FGA: variants seen among roughly 807,000 people sequenced by gnomAD.
The protein encoded by FGA is fibrinogen alpha chain, also known as fibrinogen, A alpha polypeptide.
FGA carries 20 observed loss-of-function variants against 20.3 expected under a neutral mutation model. The ratio of observed to expected loss-of-function variants is 0.99; its 90% CI spans 0.69 to 1.43. The LOEUF is 1.43. Among genes scored for constraint, FGA ranks in the 40% most tolerant of loss-of-function variants. FGA has a pLI of 0.00. For missense variants in FGA, 777 were observed against 784.7 expected, an observed-to-expected ratio of 0.99 and a Z score of 0.12; for synonymous variants, 306 against 281.6, an observed-to-expected ratio of 1.09 and a Z score of -0.87.
chr4:154,588,781 T>C lies in FGA; in HGVS notation c.364+12A>G, dbSNP rs767570329. ...TGTTATAAAGTCAAAGCAGTAAATA[T>C]GTAATACTTACTATTGGCTGAGGAA... On this transcript the variant is annotated intron_variant, in intron 3 of 4. Transcript: ENST00000403106. 1.9e-6 allele frequency: 3 copies of C among 1,581,422 alleles called. No individual in the cohort carries two copies. The South Asian group carries it at 3.3e-5, about 18-fold the overall frequency.
chr4:154,584,898 G>T (rs1730671202), downstream of FGA: 3 of 1,217,106 alleles, frequency 2.5e-6, no homozygotes, highest in African/African-American at 1.5e-5. Context: ...GATAGGCACG[G>T]CTCAGATTAA....
chr4:154,584,703 C>A, downstream of FGA: 1 of 1,614,066 alleles, frequency 6.2e-7, no homozygotes, highest in Non-Finnish European at 8.5e-7. Context: ...TTTGCTGGAT[C>A]AAAAGCCATC....
chr4:154,584,253 C>T, downstream of FGA: 3 of 1,614,048 alleles, frequency 1.9e-6, no homozygotes, highest in Non-Finnish European at 2.5e-6. Flanking sequence ...CATAGGAGCC[C>T]CCAGGGTAGT....
In FGA at chr4:154,586,750, T is replaced by G; in HGVS notation, c.679A>C (p.Lys227Gln). The G allele has an allele frequency of 6.2e-7, 1 of 1,614,208 alleles. No homozygotes were observed. The highest frequency in any genetic ancestry group is 8.5e-7 in the Non-Finnish European group (1 of 1,180,030). The change falls in exon 5 of 5, where the codon AAA becomes CAA. Residue 227 changes from lysine (K) to glutamine (Q), a missense_variant. Physicochemically the swap from Lys to Gln is moderately conservative, Grantham distance 53 (BLOSUM62 1). Transcript: ENST00000403106. ...CCGGGAACCAAGTCTGGAACTGGTT[T>G]CATTTTTATCAGTGGTAAGTGTTGC... ...DRQHLPLIKM[K>Q]PVPDLVPGNF...
chr4:154,586,574 G>A lies in FGA; in HGVS notation c.855C>T (p.Ser285=). Residue 285 remains serine, a synonymous_variant, in exon 5 of 5, where the codon AGC becomes AGT. Coordinates refer to ENST00000403106, the MANE Select transcript of FGA (RefSeq NM_021871.4). ...TSYGTGSETE[S]PRNPSSAGSW... is the part of the protein sequence containing the mutation. The stretch of plus-strand genomic sequence containing the variant: ...TTCCAGCACTGCTAGGGTTCCTGGG[G>A]CTTTCCGTCTCTGATCCGGTTCCAT... The A allele has an allele frequency of 6.2e-7, 1 of 1,614,056 alleles. No homozygotes were observed. The highest frequency in any genetic ancestry group is 1.1e-5 in the South Asian group (1 of 91,076).
chr4:154,590,258 AAAAC>A (rs1560828318), intron 1 of FGA, among the ~76,000 whole-genome samples: 1 of 152,252 alleles, frequency 6.6e-6, no homozygotes, highest in African/African-American at 2.4e-5. Context: ...ATAACTAAAG[AAAAC>A]AAATCTTACC....
chr4:154,590,416 T>G (rs552630930), intron 1 of FGA, among the ~76,000 whole-genome samples: 1 of 152,328 alleles, frequency 6.6e-6, no homozygotes, highest in East Asian at 1.9e-4. Context: ...GTTTCCCTTG[T>G]GAGTTTGTAC....
chr4:154,589,711 T>G (rs2110820728), intron 1 of FGA, 149 bp from the exon 2 acceptor site: 1 of 848,832 alleles, frequency 1.2e-6, no homozygotes, highest in East Asian at 2.6e-5. Flanking sequence ...AAGCTTCAGG[T>G]TTCTTATCTT....
chr4:154,587,459 C>T (rs1245474643), intron 4 of FGA, 53 bp downstream of exon 4: 14 of 1,545,596 alleles, frequency 9.1e-6, no homozygotes, highest in Non-Finnish European at 1.3e-5. Context: ...TATCGCCTTC[C>T]TTTTCCCTCT....
At chr4:154,584,093 G>GACAGAGTGCTCCCATTCCCACTTCGAAT, downstream of FGA, 2 of 1,543,980 alleles carry the variant, frequency 1.3e-6, no homozygotes, top group Non-Finnish European at 1.8e-6. Context: ...TAGCAAAGAA[G>GACAGAGTGCTCCCATTCCCACTTCGAAT]ACAGAGTGCT....
At chr4:154,590,514 G>T in intron 1 of FGA, 120 bp downstream of exon 1, 1 of 869,062 alleles carries the variant, frequency 1.2e-6, no homozygotes, top group Non-Finnish European at 1.9e-6. Flanking sequence ...TTCCTCCCAG[G>T]CCTGGGGTCA....
At chr4:154,585,245 T>G, downstream of FGA, 1 of 1,341,562 alleles carries the variant, frequency 7.5e-7, no homozygotes, top group Non-Finnish European at 9.6e-7. Flanking sequence ...AGAATTTGAC[T>G]AAATAAGCTC....
In FGA at chr4:154,585,548, G is replaced by A. The variant is rs1730684804; in HGVS notation, c.1881C>T (p.Arg627=). The A allele has an allele frequency of 1.2e-6, 2 of 1,614,038 alleles. No homozygotes were observed. The highest frequency in any genetic ancestry group is 1.7e-6 in the Non-Finnish European group (2 of 1,179,924). Residue 627 remains arginine, a synonymous_variant, in exon 5 of 5, where the codon CGC becomes CGT. Transcript: ENST00000403106. ...GAGAAGTGTGGATACCTCTGACAGG[G>A]CGAGATTTAGCATGGCCTCTCTTGG... ...HSTKRGHAKS[R]PVRGIHTSPL... is the part of the protein sequence containing the mutation.
At chr4:154,584,742 A>C (rs1267513652), downstream of FGA, 1 of 1,614,140 alleles carries the variant, frequency 6.2e-7, no homozygotes, top group Admixed American at 1.7e-5. Flanking sequence ...GATCGCAATA[A>C]ACAGAAAAAA....
downstream of FGA, chr4:154,583,680 G>T (rs552903540): frequency 6.2e-6 from 1 of 162,490 alleles, no homozygotes; most frequent in South Asian, 1.7e-4. Flanking sequence ...TACTACAAAG[G>T]TCAGCTATGG....
chr4:154,588,695 T>C (rs1051306048), intron 3 of FGA, 98 bp downstream of exon 3: 3 of 904,324 alleles, frequency 3.3e-6, no homozygotes, highest in Non-Finnish European at 5.5e-6. Context: ...CTAAGTACTT[T>C]GGGATGAAAT....
At position 154,586,555 on chromosome 4, in the gene FGA, C is replaced by T. The variant is rs1410145686; in HGVS notation, c.874G>A (p.Ala292Thr). 6.2e-7 allele frequency: 1 copy of T among 1,614,146 alleles called. No individual in the cohort carries two copies. Among genetic ancestry groups the T allele is most frequent in the Non-Finnish European group, 8.5e-7 (1 of 1,180,030 alleles). ...GAGCTCCCAGAGTTCCAGCTTCCAGCACTGCTAGGGTTCCTGGGGCTTTCC... is the reference window on the plus strand; with the variant it reads ...GAGCTCCCAGAGTTCCAGCTTCCAGTACTGCTAGGGTTCCTGGGGCTTTCC... ...ETESPRNPSS[A>T]GSWNSGSSGP... Residue 292 changes from alanine to threonine, a missense_variant, in exon 5 of 5, where the codon GCT becomes ACT. Transcript: ENST00000403106.
chr4:154,584,473 T>G (rs376739537), downstream of FGA: 9 of 1,614,038 alleles, frequency 5.6e-6, no homozygotes, highest in African/African-American at 1.1e-4. Flanking sequence ...TTGGAGGGCA[T>G]AGCCTTCAGC....
downstream of FGA, chr4:154,583,929 T>TA (rs919662921): frequency 1.2e-4 from 70 of 597,946 alleles, no homozygotes; most frequent in South Asian, 4.3e-4. Context: ...TATTTAAAGA[T>TA]AAAAAAAACC....
Sources: allele counts gnomAD v4.1 joint callset (sites outside exome capture counted in the v4.1 genomes callset), GRCh38; gene constraint gnomAD v4.1.1; transcripts MANE v1.5; gene names NCBI Gene and HGNC (gene_info 2026-07-23, HGNC 2026-07-21).